The following IMMP2L variants were observed in gnomAD, a reference collection of about 807,000 sequenced individuals.
IMMP2L encodes mitochondrial inner membrane protease subunit 2.
Under a neutral mutation model 19.3 loss-of-function variants are expected in IMMP2L, and 18 were observed. The ratio of observed to expected loss-of-function variants is 0.93; its 90% CI spans 0.64 to 1.38. The LOEUF is 1.38. IMMP2L is among the 40% of genes most tolerant of loss of function. The pLI, the probability that IMMP2L is intolerant of heterozygous loss-of-function variation, is 0.00. For missense variants in IMMP2L, 233 were observed against 218.2 expected (o/e 1.07, Z -0.43); for synonymous variants, 76 against 73.0 (o/e 1.04, Z -0.21).
At chr7:110,888,109 G>A (rs183942439) in intron 4 of IMMP2L, among the ~76,000 whole-genome samples, 75 of 152,210 alleles carry the variant, frequency 4.9e-4, no homozygotes, top group African/African-American at 1.5e-3. Context: ...TATTGTGGCT[G>A]TTAGAAAAGC....
At chr7:111,393,167 CAAG>C (rs2131346072) in intron 3 of IMMP2L, among the ~76,000 whole-genome samples, 1 of 152,080 alleles carries the variant, frequency 6.6e-6, no homozygotes, top group East Asian at 1.9e-4. Context: ...AAGGGCCCAC[CAAG>C]AATAACCTCA....
At chr7:111,242,585 G>A (rs1443162890) in intron 3 of IMMP2L, among the ~76,000 whole-genome samples, 1 of 152,052 alleles carries the variant, frequency 6.6e-6, no homozygotes, top group Non-Finnish European at 1.5e-5. Flanking sequence ...TGCATCGGCT[G>A]TATTTCACCT....
At chr7:111,358,459 T>C (rs1828932882) in intron 3 of IMMP2L, among the ~76,000 whole-genome samples, 1 of 152,058 alleles carries the variant, frequency 6.6e-6, no homozygotes, top group Non-Finnish European at 1.5e-5. Flanking sequence ...CATTATCTTG[T>C]GATTATCTTG....
At chr7:111,320,608 C>G (rs545782201) in intron 3 of IMMP2L, among the ~76,000 whole-genome samples, 1 of 152,032 alleles carries the variant, frequency 6.6e-6, no homozygotes, top group Non-Finnish European at 1.5e-5. Flanking sequence ...TCACACTGAA[C>G]TCTTACCACT....
intron 3 of IMMP2L, among the ~76,000 whole-genome samples, chr7:111,232,145 CAT>C (rs1813784324): frequency 6.6e-6 from 1 of 151,928 alleles, no homozygotes; most frequent in Non-Finnish European, 1.5e-5. Context: ...CATGAATTTA[CAT>C]ATGATTCTTC....
chr7:110,743,002 A>AT (rs148001449), intron 5 of IMMP2L, among the ~76,000 whole-genome samples: 9,722 of 152,236 alleles, frequency 0.064, 334 homozygotes, highest in African/African-American at 0.085. Context: ...ATTAGTGGTG[A>AT]TTTTTATCAT....
intron 3 of IMMP2L, among the ~76,000 whole-genome samples, chr7:111,324,928 T>G (rs1825154063): frequency 6.6e-6 from 1 of 151,818 alleles, no homozygotes; most frequent in Non-Finnish European, 1.5e-5. Flanking sequence ...CAAATATGAC[T>G]AAGATAAGTC....
intron 3 of IMMP2L, among the ~76,000 whole-genome samples, chr7:111,469,230 C>T (rs1019270382): frequency 6.6e-5 from 10 of 152,126 alleles, no homozygotes; most frequent in South Asian, 4.2e-4. Flanking sequence ...ATTGACTTGG[C>T]GATGCGGGCT....
chr7:111,315,165 C>A (rs1020300053), intron 3 of IMMP2L, among the ~76,000 whole-genome samples: 2 of 152,098 alleles, frequency 1.3e-5, no homozygotes, highest in Non-Finnish European at 2.9e-5. Context: ...CCATCTTATA[C>A]AACCAACCAG....
intron 1 of IMMP2L, among the ~76,000 whole-genome samples, chr7:111,529,786 T>G (rs1220716236): frequency 6.6e-6 from 1 of 152,138 alleles, no homozygotes; most frequent in Non-Finnish European, 1.5e-5. Flanking sequence ...AGCATCTGGA[T>G]ACTAAGAGAA....
At chr7:111,183,532 G>A (rs893745348) in intron 3 of IMMP2L, among the ~76,000 whole-genome samples, 1 of 151,992 alleles carries the variant, frequency 6.6e-6, no homozygotes, top group African/African-American at 2.4e-5. Context: ...ATCTTACACT[G>A]CAAGCTCTGT....
intron 5 of IMMP2L, among the ~76,000 whole-genome samples, chr7:110,726,800 G>C (rs1443219023): frequency 6.6e-6 from 1 of 152,138 alleles, no homozygotes; most frequent in Non-Finnish European, 1.5e-5. Context: ...ACTTATGCTG[G>C]AGCAAAGAGA....
chr7:111,240,718 G>C (rs898319655), intron 3 of IMMP2L, among the ~76,000 whole-genome samples: 2 of 151,850 alleles, frequency 1.3e-5, no homozygotes, highest in Non-Finnish European at 2.9e-5. Context: ...GTAGGTCTAG[G>C]CTATTGACCT....
At chr7:111,239,214 G>T (rs1435459774) in intron 3 of IMMP2L, among the ~76,000 whole-genome samples, 2 of 151,802 alleles carry the variant, frequency 1.3e-5, no homozygotes, top group African/African-American at 4.8e-5. Flanking sequence ...CTATCGCTAT[G>T]AGTAACTACT....
At position 111,077,213 on chromosome 7, in the gene IMMP2L, G is replaced by T. The variant is rs377131583; in HGVS notation, c.240-113648C>A. The stretch of plus-strand genomic sequence containing the variant: ...GTTACAAATCTGAATCTCCCTTCAG[G>T]GAAATAAATGACTAGGGCTGATGAG... On this transcript the variant is annotated intron_variant, in intron 3 of 5. Coordinates refer to ENST00000405709, the MANE Select transcript of IMMP2L (RefSeq NM_032549.4). Among the ~76,000 whole-genome samples the T allele has an allele frequency of 6.6e-4, 101 of 152,300 alleles. 4 individuals carry two copies. In the South Asian group the frequency reaches 0.021, roughly 31 times the overall value.
chr7:110,718,543 G>T (rs1795370358), intron 5 of IMMP2L, among the ~76,000 whole-genome samples: 1 of 152,212 alleles, frequency 6.6e-6, no homozygotes, highest in African/African-American at 2.4e-5. Flanking sequence ...AAGGCTAGCT[G>T]TTGGCAGAGA....
chr7:111,081,744 T>C (rs214897), intron 3 of IMMP2L, among the ~76,000 whole-genome samples: 128,255 of 152,156 alleles, frequency 0.84, 54,370 homozygotes, highest in East Asian at 0.89. Context: ...GACTTCCTCC[T>C]GTGACTTTCT....
intron 3 of IMMP2L, among the ~76,000 whole-genome samples, chr7:111,368,236 C>T (rs1829964868): frequency 6.6e-6 from 1 of 151,906 alleles, no homozygotes; most frequent in Non-Finnish European, 1.5e-5. Context: ...CTTTTCCTGA[C>T]ATCACCCCTA....
At chr7:110,855,545 A>G (rs1806673240) in intron 5 of IMMP2L, among the ~76,000 whole-genome samples, 1 of 152,016 alleles carries the variant, frequency 6.6e-6, no homozygotes, top group Admixed American at 6.6e-5. Flanking sequence ...ATTCTATGCT[A>G]GAAACCATTC....
Sources: allele counts gnomAD v4.1 joint callset (sites outside exome capture counted in the v4.1 genomes callset), GRCh38; gene constraint gnomAD v4.1.1; transcripts MANE v1.5; gene names NCBI Gene and HGNC (gene_info 2026-07-23, HGNC 2026-07-21).